LDLRAP1: variants seen among roughly 807,000 people sequenced by gnomAD.
LDLRAP1 encodes low density lipoprotein receptor adaptor protein 1, also known as low density lipoprotein receptor adapter protein 1.
A neutral mutation model predicts 37.8 loss-of-function variants in LDLRAP1; 30 were observed. The observed-to-expected ratio is 0.79, with a 90% CI of 0.59 to 1.08. The LOEUF (loss-of-function observed/expected upper bound fraction) is 1.08, where lower values mean the gene tolerates loss of function less well. LDLRAP1 is among the 50% of genes least tolerant of loss of function. The pLI, the probability that LDLRAP1 is intolerant of heterozygous loss-of-function variation, is 0.00. For missense variants in LDLRAP1, 375 were observed against 401.6 expected (o/e 0.93, Z 0.57); for synonymous variants, 156 against 169.8 (o/e 0.92, Z 0.63).
At position 25,554,790 on chromosome 1, in the gene LDLRAP1, G is replaced by A; in HGVS notation, c.232-70G>A. 1 of 1,241,868 alleles carries A rather than the reference G, an allele frequency of 8.1e-7. No individual in the cohort carries two copies. Among genetic ancestry groups the A allele is most frequent in the South Asian group, 1.3e-5 (1 of 79,780 alleles). The allele number at this position is 1,241,868 out of a possible 1,614,324, so 76.9% of individuals were successfully genotyped here. A position where few individuals can be genotyped will look rare whatever the true frequency, so the allele number is the denominator to read the frequency against. ...CCCGTGCCTGGGGCTTAGGAACAGT[G>A]AAGTGTAAGCCATGAGGGTGGGTCT... On this transcript the variant is annotated intron_variant, in intron 2 of 8. Transcript: ENST00000374338. This position sits in a 1 kb window ranked among gnomAD's most constrained non-coding sequence, Gnocchi z 5.4.
chr1:25,566,529 A>T (rs965895480), intron 8 of LDLRAP1, among the ~76,000 whole-genome samples: 3 of 141,012 alleles, frequency 2.1e-5, no homozygotes, highest in Non-Finnish European at 3.1e-5. Context: ...CTTGTTCCCC[A>T]CCCCACCCCC....
chr1:25,582,803 G>A, the LDLRAP1 span, among the ~76,000 whole-genome samples: 1 of 152,040 alleles, frequency 6.6e-6, no homozygotes, highest in Non-Finnish European at 1.5e-5. Context: ...CGGGTACGGT[G>A]GCTCACATCT....
At chr1:25,587,465 TTTAATTTCAGTCCTGACCTCCGTCC>T in the LDLRAP1 span, among the ~76,000 whole-genome samples, 7 of 152,200 alleles carry the variant, frequency 4.6e-5, no homozygotes, top group African/African-American at 1.7e-4. Flanking sequence ...ATGACTCACT[TTTAATTTCAGTCCTGACCTCCGTCC>T]TTAGCTGATC....
the LDLRAP1 span, among the ~76,000 whole-genome samples, chr1:25,574,626 C>G: frequency 1.5e-4 from 23 of 152,046 alleles, no homozygotes; most frequent in Non-Finnish European, 2.8e-4. Context: ...TTGGTGTATC[C>G]CCGTGTGATG....
In LDLRAP1 at chr1:25,567,259, C is replaced by T; in HGVS notation, c.*267C>T. 1 of 528,462 alleles carries T rather than the reference C, an allele frequency of 1.9e-6. No individual in the cohort carries two copies. Among genetic ancestry groups the T allele is most frequent in the Non-Finnish European group, 3.4e-6 (1 of 289,896 alleles). The allele number at this position is 528,462 out of a possible 1,614,324, so 32.7% of individuals were successfully genotyped here. A position where few individuals can be genotyped will look rare whatever the true frequency, so the allele number is the denominator to read the frequency against. On this transcript the variant is annotated 3_prime_UTR_variant, in exon 9 of 9. Coordinates refer to ENST00000374338, the MANE Select transcript of LDLRAP1 (RefSeq NM_015627.3). Reference sequence around the variant, plus strand: ...AGCCAGTCTGCGTCAGGCACGTCTCCTGCTGCGTGACATGTGCAGTGCTGT... The same window carrying T: ...AGCCAGTCTGCGTCAGGCACGTCTCTTGCTGCGTGACATGTGCAGTGCTGT...
chr1:25,563,440 T>A (rs1459184603), intron 6 of LDLRAP1, among the ~76,000 whole-genome samples: 1 of 152,140 alleles, frequency 6.6e-6, no homozygotes, highest in Non-Finnish European at 1.5e-5. Context: ...TAAGAAAACT[T>A]AACTATTGTG....
rs771570662 is a variant in LDLRAP1 at position 25,563,042 on chromosome 1, T to A, written c.533-28T>A. On this transcript the variant is annotated intron_variant, in intron 5 of 8. Coordinates refer to ENST00000374338, the MANE Select transcript of LDLRAP1 (RefSeq NM_015627.3). Reference sequence around the variant, plus strand: ...GGGACAGAGTGCTGGGGTCTGAGGCTCCAACATGTTGTGCCTTGGTCCTGC... The same window carrying A: ...GGGACAGAGTGCTGGGGTCTGAGGCACCAACATGTTGTGCCTTGGTCCTGC... 7 of 1,605,094 alleles carry A rather than the reference T, an allele frequency of 4.4e-6. No individual in the cohort carries two copies. The South Asian group carries it at 7.7e-5, about 18-fold the overall frequency.
chr1:25,576,225 C>A, the LDLRAP1 span, among the ~76,000 whole-genome samples: 1 of 148,978 alleles, frequency 6.7e-6, no homozygotes, highest in Non-Finnish European at 1.5e-5. Flanking sequence ...GAGTGAGACT[C>A]CTCAAAAAAA....
In LDLRAP1 at chr1:25,554,038, G is replaced by A. The variant is rs141635927; in HGVS notation, c.205G>A (p.Ala69Thr). The A allele has an allele frequency of 2.2e-5, 36 of 1,613,900 alleles. No homozygotes were observed. Among genetic ancestry groups the A allele is most frequent in the African/African-American group, 1.5e-4 (11 of 74,924 alleles). ...GCCCAAGGGTGAGGAGCTGTCGGCC[G>A]CCGCCATCAAGAGGATCGTGGCTAC... ...EQPKGEELSA[A>T]AIKRIVATAK... The change falls in exon 2 of 9, where the codon GCC (alanine) becomes ACC (threonine). Residue 69 changes from alanine (A) to threonine (T), a missense_variant. Transcript: ENST00000374338. The surrounding 1 kb of genome is among the most constrained non-coding windows in gnomAD (Gnocchi z 5.4).
intron 4 of LDLRAP1, among the ~76,000 whole-genome samples, chr1:25,559,165 T>C (rs1446727525): frequency 6.6e-6 from 1 of 152,212 alleles, no homozygotes; most frequent in African/African-American, 2.4e-5. Flanking sequence ...CTCGTGGCTT[T>C]GTCTTTTAGG....
intron 4 of LDLRAP1, among the ~76,000 whole-genome samples, chr1:25,559,702 GC>G (rs1167666673): frequency 2.0e-5 from 3 of 152,166 alleles, no homozygotes; most frequent in African/African-American, 7.2e-5. Flanking sequence ...CAAGGTCTTA[GC>G]CCAACCCAGG....
chr1:25,543,648 T>G lies in LDLRAP1; in HGVS notation c.-51T>G, dbSNP rs1029653357. 3.9e-5 allele frequency: 46 copies of G among 1,179,906 alleles called. No homozygotes were observed. The African/African-American group carries it at 5.1e-4, about 13-fold the overall frequency. 73.1% of individuals were successfully genotyped at this position (1,179,906 alleles called of 1,614,324 possible). A position where few individuals can be genotyped will look rare whatever the true frequency, so the allele number is the denominator to read the frequency against. On this transcript the variant is annotated 5_prime_UTR_variant, in exon 1 of 9. Coordinates refer to ENST00000374338, the MANE Select transcript of LDLRAP1 (RefSeq NM_015627.3). Reference sequence around the variant, plus strand: ...CGCCGCAGGGCCGGGCGGAAAGTTTTTCCTGACGGAGTTTTGGCTGCGGCA... The same window carrying G: ...CGCCGCAGGGCCGGGCGGAAAGTTTGTCCTGACGGAGTTTTGGCTGCGGCA...
Position 25,543,661 on chromosome 1 carries a change from T to A in LDLRAP1, c.-38T>A. On this transcript the variant is annotated 5_prime_UTR_variant, in exon 1 of 9. Transcript: ENST00000374338. ...GGCGGAAAGTTTTTCCTGACGGAGT[T>A]TTGGCTGCGGCAGCGGCGGCGGCGG... The A allele has an allele frequency of 2.5e-6, 3 of 1,200,864 alleles. No homozygotes were observed. Among genetic ancestry groups the A allele is most frequent in the Non-Finnish European group, 3.1e-6 (3 of 965,762 alleles). The allele number at this position is 1,200,864 out of a possible 1,614,324, so 74.4% of individuals were successfully genotyped here.
chr1:25,558,124 T>C (rs1239114700), intron 4 of LDLRAP1, among the ~76,000 whole-genome samples: 2 of 152,054 alleles, frequency 1.3e-5, no homozygotes, highest in African/African-American at 4.8e-5. Context: ...GTGGAGTGGG[T>C]CAACCTTTGG....
intron 8 of LDLRAP1, 41 bp from the exon 9 acceptor site, chr1:25,566,807 C>A (rs1223388084): frequency 6.3e-7 from 1 of 1,590,414 alleles, no homozygotes; most frequent in South Asian, 1.1e-5. Context: ...GGCGCGCCAG[C>A]CCTCACCCAG....
chr1:25,559,970 T>C (rs1462148840), intron 4 of LDLRAP1, among the ~76,000 whole-genome samples: 1 of 151,970 alleles, frequency 6.6e-6, no homozygotes, highest in Non-Finnish European at 1.5e-5. Flanking sequence ...TCTCACTAAC[T>C]TCCCTGAAGT....
chr1:25,546,356 A>G (rs1288231092), intron 1 of LDLRAP1, among the ~76,000 whole-genome samples: 1 of 152,214 alleles, frequency 6.6e-6, no homozygotes, highest in Non-Finnish European at 1.5e-5. Flanking sequence ...GTGGAGAAAG[A>G]AGCCCAGAGA....
At chr1:25,565,585 GTGTTTA>G (rs1020444271) in intron 8 of LDLRAP1, among the ~76,000 whole-genome samples, 1 of 151,588 alleles carries the variant, frequency 6.6e-6, no homozygotes, top group African/African-American at 2.4e-5. Flanking sequence ...CCACAGGTCT[GTGTTTA>G]TGAACAGGGG....
At chr1:25,580,140 C>A in the LDLRAP1 span, among the ~76,000 whole-genome samples, 1 of 152,184 alleles carries the variant, frequency 6.6e-6, no homozygotes, top group African/African-American at 2.4e-5. Flanking sequence ...CTGCTTCTGT[C>A]TGTTCTGTCT....
Sources: gnomAD v4.1 joint callset for allele counts (sites outside exome capture counted in the v4.1 genomes callset) on GRCh38, gnomAD v4.1.1 for gene constraint, Gnocchi (gnomAD v3.1) non-coding constraint, MANE v1.5 for transcripts, NCBI Gene and HGNC (gene_info 2026-07-23, HGNC 2026-07-21) for gene names.